Variants in SAG observed in about 807,000 individuals in gnomAD.
SAG encodes S-antigen visual arrestin.
Under a neutral mutation model 55.0 loss-of-function variants are expected in SAG, and 45 were observed. The observed-to-expected ratio is 0.82, with a 90% CI of 0.64 to 1.05. The LOEUF (loss-of-function observed/expected upper bound fraction) is 1.05. Ranked by LOEUF, SAG falls within the 50% of genes least tolerant of loss-of-function variation. SAG has a pLI of 0.00. For synonymous variants in SAG, 189 were observed against 197.4 expected (o/e 0.96, Z 0.36); for missense variants, 455 against 512.1 (o/e 0.89, Z 1.08).
intron 12 of SAG, 90 bp downstream of exon 12, chr2:233,338,843 A>G: frequency 9.3e-7 from 1 of 1,072,598 alleles, no homozygotes; most frequent in Non-Finnish European, 1.5e-6. Flanking sequence ...GGAGACAGAA[A>G]GCAAGGAAAG....
intron 10 of SAG, chr2:233,334,694 T>A: frequency 2.7e-6 from 1 of 376,218 alleles, no homozygotes. Flanking sequence ...TTTGTCTCAT[T>A]AACTCCATAG....
intron 3 of SAG, 76 bp from the exon 4 acceptor site, chr2:233,318,675 T>C: frequency 8.2e-7 from 1 of 1,216,884 alleles, no homozygotes; most frequent in Non-Finnish European, 1.2e-6. Context: ...ATTAAAAACA[T>C]GCGCAGTTTT....
chr2:233,316,216 G>T, intron 3 of SAG, 81 bp downstream of exon 3: 1 of 804,040 alleles, frequency 1.2e-6, no homozygotes, highest in Non-Finnish European at 2.1e-6. Context: ...TTAAAAACTG[G>T]CCTTGCTAAT....
chr2:233,338,412 G>T (rs1701004103), intron 11 of SAG: 3 of 491,896 alleles, frequency 6.1e-6, no homozygotes, highest in Non-Finnish European at 1.1e-5. Context: ...ATCTATAGAG[G>T]TCAAGCACAG....
chr2:233,318,889 A>G, intron 4 of SAG, 94 bp downstream of exon 4: 1 of 1,045,570 alleles, frequency 9.6e-7, no homozygotes, highest in Non-Finnish European at 1.5e-6. Flanking sequence ...GGAAGGAGAG[A>G]CAGGAAGGCA....
chr2:233,341,911 G>T (rs766132860), intron 13 of SAG, among the ~76,000 whole-genome samples: 6 of 152,274 alleles, frequency 3.9e-5, no homozygotes, highest in Admixed American at 3.9e-4. Context: ...TTGAGATCAG[G>T]AGTTCAAGAC....
chr2:233,341,302 C>A (rs1420920667), intron 13 of SAG, among the ~76,000 whole-genome samples: 2 of 152,150 alleles, frequency 1.3e-5, no homozygotes, highest in Admixed American at 6.5e-5. Flanking sequence ...CGCCACTATG[C>A]CCGACTAAGA....
intron 9 of SAG, among the ~76,000 whole-genome samples, chr2:233,330,360 C>A (rs1256480780): frequency 6.6e-6 from 1 of 152,162 alleles, no homozygotes; most frequent in African/African-American, 2.4e-5. Context: ...CCGGGCAAGC[C>A]AGGGTGAGCA....
rs1243256426 is a variant in SAG at position 233,340,324 on chromosome 2, G to C, written c.1023-131G>C. On this transcript the variant is annotated intron_variant, in intron 12 of 15. Coordinates refer to ENST00000409110, the MANE Select transcript of SAG (RefSeq NM_000541.5). This position sits in a 1 kb window ranked among gnomAD's most constrained non-coding sequence, Gnocchi z 4.2. Reference sequence around the variant, plus strand: ...AATGAAGTTGAACATTAAGGGATGGGAAGACCCTGGATGTTGTGAGTTCGG... The same window carrying C: ...AATGAAGTTGAACATTAAGGGATGGCAAGACCCTGGATGTTGTGAGTTCGG... 1 of 709,518 alleles carries C rather than the reference G, an allele frequency of 1.4e-6. No homozygotes were observed. Among genetic ancestry groups the C allele is most frequent in the East Asian group, 2.8e-5 (1 of 36,234 alleles). The allele number at this position is 709,518 out of a possible 1,614,324, so 44.0% of individuals were successfully genotyped here. A position where few individuals can be genotyped will look rare whatever the true frequency, so the allele number is the denominator to read the frequency against.
chr2:233,314,565 G>C (rs945395285), intron 2 of SAG, among the ~76,000 whole-genome samples: 1 of 152,200 alleles, frequency 6.6e-6, no homozygotes, highest in South Asian at 2.1e-4. Flanking sequence ...GCTGGGACTC[G>C]CTGCAGCAAC....
intron 8 of SAG, chr2:233,329,171 G>A (rs553956597): frequency 5.2e-5 from 19 of 367,404 alleles, no homozygotes; most frequent in Non-Finnish European, 7.1e-5. Flanking sequence ...TGTGTTACAC[G>A]GGCTCTGCTG....
At chr2:233,318,668 A>G (rs1456784159) in intron 3 of SAG, 83 bp from the exon 4 acceptor site, 25 of 1,198,012 alleles carry the variant, frequency 2.1e-5, no homozygotes, top group African/African-American at 3.0e-5. Flanking sequence ...ATGTGTAATT[A>G]AAAACATGCG....
In SAG at chr2:233,329,584, CCTT is replaced by C. The variant is rs767692884; in HGVS notation, c.733+13_733+15del. ...AAGAAGATTAAAGCATTCGGTAGGA[CCTT>C]CTTCTCAGAAGTAGAGGGCATAGTC... On this transcript the variant is annotated splice_region_variant and intron_variant, in intron 9 of 15. Transcript: ENST00000409110. The C allele has an allele frequency of 6.3e-7, 1 of 1,587,172 alleles. No individual in the cohort carries two copies. The highest frequency in any genetic ancestry group is 1.1e-5 in the South Asian group (1 of 90,434).
At chr2:233,330,485 C>G (rs1700718705) in intron 9 of SAG, among the ~76,000 whole-genome samples, 1 of 100,926 alleles carries the variant, frequency 9.9e-6, no homozygotes, top group Non-Finnish European at 2.0e-5. Context: ...CCCTTCCTTC[C>G]TTCCTTCCTT....
intron 3 of SAG, among the ~76,000 whole-genome samples, chr2:233,318,340 T>TG (rs1185429225): frequency 3.3e-5 from 5 of 151,872 alleles, no homozygotes; most frequent in South Asian, 2.1e-4. Context: ...AATTTTTTTT[T>TG]TTTGTTTTTT....
In SAG at chr2:233,330,475, CCCTTCCTTCCTTCCTT is replaced by C. The variant is rs775846940; in HGVS notation, c.733+950_733+965del. Among the ~76,000 whole-genome samples, 359 of 46,358 alleles carry C rather than the reference CCCTTCCTTCCTTCCTT, an allele frequency of 7.7e-3. 4 individuals are homozygous for C. The highest frequency in any genetic ancestry group is 9.8e-3 in the South Asian group (10 of 1,022). 30.4% of individuals were successfully genotyped at this position (46,358 alleles called of 152,430 possible). A position where few individuals can be genotyped will look rare whatever the true frequency, so the allele number is the denominator to read the frequency against. ...AGGAATTCTAGACTTTTCCCTCCCT[CCCTTCCTTCCTTCCTT>C]CCTTCCTTCCTTCCTTCCTTCCTTC... On this transcript the variant is annotated intron_variant, in intron 9 of 15. Transcript: ENST00000409110.
At chr2:233,342,004 G>A (rs1377909827) in intron 13 of SAG, among the ~76,000 whole-genome samples, 2 of 151,954 alleles carry the variant, frequency 1.3e-5, no homozygotes, top group African/African-American at 4.8e-5. Flanking sequence ...TGCATTTGTA[G>A]TCCCAGCTAC....
intron 6 of SAG, 138 bp downstream of exon 6, chr2:233,323,143 G>A (rs1229084207): frequency 7.5e-6 from 5 of 664,554 alleles, no homozygotes; most frequent in Non-Finnish European, 1.3e-5. Flanking sequence ...ACTGCAACCT[G>A]TGGTTTCTGG....
Position 233,340,754 on chromosome 2 carries a change from T to C in SAG, c.1046+276T>C, listed in dbSNP as rs1188172418. Among the ~76,000 whole-genome samples, 1 of 48,400 alleles carries C rather than the reference T, an allele frequency of 2.1e-5. No homozygotes were observed. Among genetic ancestry groups the C allele is most frequent in the Non-Finnish European group, 7.1e-5 (1 of 14,142 alleles). 31.8% of individuals were successfully genotyped at this position (48,400 alleles called of 152,430 possible). A position where few individuals can be genotyped will look rare whatever the true frequency, so the allele number is the denominator to read the frequency against. On this transcript the variant is annotated intron_variant, in intron 13 of 15. Coordinates refer to ENST00000409110, the MANE Select transcript of SAG (RefSeq NM_000541.5). This position sits in a 1 kb window ranked among gnomAD's most constrained non-coding sequence, Gnocchi z 4.2. Reference sequence around the variant, plus strand: ...TGGCACACTCCATGCAGCCAGCTTGTGTGTGTGTGTGTGTGTTTGTGTGCG... The same window carrying C: ...TGGCACACTCCATGCAGCCAGCTTGCGTGTGTGTGTGTGTGTTTGTGTGCG...
Sources: gnomAD v4.1 joint callset for allele counts (sites outside exome capture counted in the v4.1 genomes callset) on GRCh38, gnomAD v4.1.1 for gene constraint, Gnocchi (gnomAD v3.1) non-coding constraint, MANE v1.5 for transcripts, NCBI Gene and HGNC (gene_info 2026-07-23, HGNC 2026-07-21) for gene names.